Variants in EPRS1 observed in about 807,000 individuals in gnomAD.
The protein encoded by EPRS1 is bifunctional glutamate/proline--tRNA ligase.
EPRS1 carries 107 observed loss-of-function variants against 188.3 expected under a neutral mutation model. The observed-to-expected ratio is 0.57, with a 90% CI of 0.49 to 0.67. The LOEUF (loss-of-function observed/expected upper bound fraction) is 0.67, where lower values mean the gene tolerates loss of function less well. Ranked by LOEUF, EPRS1 falls within the 30% of genes least tolerant of loss-of-function variation. The pLI is 0.00. For synonymous variants in EPRS1, 596 were observed against 593.1 expected (o/e 1.00, Z -0.07); for missense variants, 1,577 against 1,802.2 (o/e 0.88, Z 2.26).
At chr1:220,016,577 AT>A (rs57664248) in intron 12 of EPRS1, among the ~76,000 whole-genome samples, 3,351 of 69,486 alleles carry the variant, frequency 0.048, 138 homozygotes, top group African/African-American at 0.18. Context: ...GGCCTAGCTA[AT>A]TTTTTTTTTT....
intron 9 of EPRS1, among the ~76,000 whole-genome samples, chr1:220,020,901 T>G (rs1171888605): frequency 1.4e-5 from 2 of 144,814 alleles, no homozygotes; most frequent in African/African-American, 5.1e-5. Flanking sequence ...TCTTTTTTTT[T>G]GGAGACAGTC....
chr1:220,000,792 C>T (rs542836374), intron 17 of EPRS1, among the ~76,000 whole-genome samples: 1 of 152,202 alleles, frequency 6.6e-6, no homozygotes, highest in East Asian at 1.9e-4. Context: ...ACCAGCCAGG[C>T]CAACATGGCA....
chr1:220,000,069 G>A (rs1156262942), intron 17 of EPRS1, among the ~76,000 whole-genome samples: 15 of 152,146 alleles, frequency 9.9e-5, no homozygotes. Context: ...GGGATACATA[G>A]GTTTTTAGTG....
intron 1 of EPRS1, among the ~76,000 whole-genome samples, chr1:220,045,862 A>T (rs1369221902): frequency 6.6e-6 from 1 of 152,222 alleles, no homozygotes; most frequent in African/African-American, 2.4e-5. Context: ...ACGTAAGGAA[A>T]ATTTGACTCA....
At chr1:220,021,943 G>A (rs1415812399) in intron 9 of EPRS1, among the ~76,000 whole-genome samples, 20 of 151,880 alleles carry the variant, frequency 1.3e-4, no homozygotes. Context: ...CTAAACACAT[G>A]TTACTCTCCT....
At chr1:220,009,501 C>A (rs562553025) in intron 13 of EPRS1, among the ~76,000 whole-genome samples, 1 of 152,164 alleles carries the variant, frequency 6.6e-6, no homozygotes, top group East Asian at 1.9e-4. Context: ...GCCTTGGCAA[C>A]ATGGTCTAAA....
intron 18 of EPRS1, among the ~76,000 whole-genome samples, chr1:219,992,953 G>A (rs549351782): frequency 1.3e-3 from 200 of 150,872 alleles, no homozygotes; most frequent in Non-Finnish European, 2.5e-3. Context: ...ACAGGCGTAC[G>A]GCCAGGCCCA....
chr1:220,032,116 C>T (rs1358245830), intron 5 of EPRS1, among the ~76,000 whole-genome samples: 3 of 151,832 alleles, frequency 2.0e-5, no homozygotes, highest in Non-Finnish European at 2.9e-5. Context: ...GCTCTGTTGC[C>T]CAGGCAGGAG....
chr1:219,987,437 C>G, intron 19 of EPRS1, 33 bp from the exon 20 acceptor site: 1 of 1,536,212 alleles, frequency 6.5e-7, no homozygotes, highest in Non-Finnish European at 8.8e-7. Flanking sequence ...AAAGAGAAGA[C>G]AGTATTTAAC....
chr1:219,983,452 T>C (rs1660938650), intron 21 of EPRS1, 54 bp from the exon 22 acceptor site: 1 of 1,306,830 alleles, frequency 7.7e-7, no homozygotes, highest in Non-Finnish European at 1.1e-6. Flanking sequence ...AATTCTAGTA[T>C]AAGTGGCAAG....
chr1:220,005,729 A>G (rs1279704452), intron 15 of EPRS1, among the ~76,000 whole-genome samples: 1 of 151,886 alleles, frequency 6.6e-6, no homozygotes, highest in African/African-American at 2.4e-5. Context: ...TCCCAACTCT[A>G]CTATTTACTG....
intron 7 of EPRS1, 93 bp from the exon 8 acceptor site, chr1:220,024,549 T>C (rs1661936404): frequency 6.4e-6 from 5 of 784,072 alleles, no homozygotes; most frequent in Non-Finnish European, 1.0e-5. Context: ...AAATGTAACA[T>C]AGACCATCAG....
Position 219,983,237 on chromosome 1 carries a change from T to C in EPRS1, c.3252A>G (p.Gln1084=), listed in dbSNP as rs1558044553. 1 of 1,614,170 alleles carries C rather than the reference T, an allele frequency of 6.2e-7. No individual in the cohort carries two copies. The highest frequency in any genetic ancestry group is 1.1e-5 in the South Asian group (1 of 91,086). The change falls in exon 22 of 32, where the codon CAA becomes CAG. Residue 1084 remains glutamine (Q), a synonymous_variant. Coordinates refer to ENST00000366923, the MANE Select transcript of EPRS1 (RefSeq NM_004446.3). ...ENCYFPMFVS[Q]SALEKEKTHV... Reference sequence around the variant, plus strand: ...GAGTCTTCTCTTTCTCTAATGCACTTTGAGACACAAACATGGGGAAGTAGC... The same window carrying C: ...GAGTCTTCTCTTTCTCTAATGCACTCTGAGACACAAACATGGGGAAGTAGC...
chr1:220,019,786 G>A (rs569736210), intron 10 of EPRS1, among the ~76,000 whole-genome samples: 17 of 152,276 alleles, frequency 1.1e-4, no homozygotes, highest in Admixed American at 9.8e-4. Context: ...ATGATCCCCA[G>A]TGGGCACTCC....
chr1:220,025,171 A>G lies in EPRS1; in HGVS notation c.711T>C (p.Asp237=), dbSNP rs1327901585. ...NFKGKLIMRF[D]DTNPEKEKED... ...CCTTTTCTTTTTCAGGATTTGTGTC[A>G]TCAAATCTCATGATCAGTTTCCCTT... Residue 237 remains aspartate, a synonymous_variant, in exon 7 of 32, where the codon GAT becomes GAC. Coordinates refer to ENST00000366923, the MANE Select transcript of EPRS1 (RefSeq NM_004446.3). 3 of 1,612,646 alleles carry G rather than the reference A, an allele frequency of 1.9e-6. No homozygotes were observed. The Admixed American group carries it at 5.0e-5, about 27-fold the overall frequency.
chr1:220,037,755 T>C (rs1414728101), intron 2 of EPRS1, among the ~76,000 whole-genome samples: 1 of 152,168 alleles, frequency 6.6e-6, no homozygotes, highest in Admixed American at 6.6e-5. Context: ...TTGAGAATAC[T>C]GACTCCTAAG....
At chr1:220,025,533 G>T (rs1661955267) in intron 6 of EPRS1, among the ~76,000 whole-genome samples, 1 of 151,850 alleles carries the variant, frequency 6.6e-6, no homozygotes, top group Non-Finnish European at 1.5e-5. Flanking sequence ...GCAACCTTAA[G>T]GAGATTCTCC....
At chr1:220,040,131 TA>T (rs1384609051) in intron 2 of EPRS1, 53 bp downstream of exon 2, 36 of 1,222,660 alleles carry the variant, frequency 2.9e-5, no homozygotes, top group Middle Eastern at 4.0e-4. Flanking sequence ...AAAAAAACTC[TA>T]AAAAAAAGAA....
chr1:219,987,493 C>CTTTCTTTT, intron 19 of EPRS1, 89 bp from the exon 20 acceptor site: 1 of 1,171,824 alleles, frequency 8.5e-7, no homozygotes, highest in Non-Finnish European at 1.2e-6. Flanking sequence ...ATGCTCAAAG[C>CTTTCTTTT]TTTCTTTTTT....
Sources: gnomAD v4.1 joint callset for allele counts (sites outside exome capture counted in the v4.1 genomes callset) on GRCh38, gnomAD v4.1.1 for gene constraint, MANE v1.5 for transcripts, NCBI Gene and HGNC (gene_info 2026-07-23, HGNC 2026-07-21) for gene names.